TENM2: variants seen among roughly 807,000 people sequenced by gnomAD.
The protein encoded by TENM2 is teneurin transmembrane protein 2.
Under a neutral mutation model 245.2 loss-of-function variants are expected in TENM2, and 52 were observed. That is an observed-to-expected ratio of 0.21 (90% CI 0.17 to 0.27). The LOEUF (loss-of-function observed/expected upper bound fraction) is 0.27. TENM2 is among the 10% of genes least tolerant of loss of function. The probability of loss-of-function intolerance (pLI) is 1.00; values close to 1 mark genes in which losing one functional copy is unlikely to be tolerated. For missense variants in TENM2, 3,046 were observed against 3,666.8 expected (o/e 0.83, Z 4.37); for synonymous variants, 1,363 against 1,438.9 (o/e 0.95, Z 1.19).
chr5:167,776,593 GAAAAAAAAAAAAAAAAAA>G (rs869252752), intron 2 of TENM2, among the ~76,000 whole-genome samples: 1 of 36,020 alleles, frequency 2.8e-5, no homozygotes, highest in African/African-American at 8.7e-5. Flanking sequence ...GACCCTGTCT[GAAAAAAAAAAAAAAAAAA>G]AAAAAAAAAA....
the TENM2 span, among the ~76,000 whole-genome samples, chr5:167,167,812 G>A: frequency 6.6e-6 from 1 of 152,132 alleles, no homozygotes; most frequent in Non-Finnish European, 1.5e-5. Context: ...TAAGTATTCA[G>A]AAAACACACA....
At chr5:167,744,271 A>C (rs566935219) in intron 2 of TENM2, among the ~76,000 whole-genome samples, 1 of 152,298 alleles carries the variant, frequency 6.6e-6, no homozygotes, top group East Asian at 1.9e-4. Context: ...AGGCAGTTGA[A>C]GAAAAAGCGT....
At chr5:168,151,881 C>T (rs1251462783) in intron 12 of TENM2, among the ~76,000 whole-genome samples, 1 of 152,224 alleles carries the variant, frequency 6.6e-6, no homozygotes, top group Non-Finnish European at 1.5e-5. Flanking sequence ...GCCTAGTCCT[C>T]ACTCCCTGTT....
intron 2 of TENM2, among the ~76,000 whole-genome samples, chr5:167,461,968 G>T (rs1283434273): frequency 1.3e-5 from 2 of 152,094 alleles, no homozygotes; most frequent in Non-Finnish European, 2.9e-5. Flanking sequence ...AAACATAATG[G>T]TTGTAAGATA....
intron 2 of TENM2, among the ~76,000 whole-genome samples, chr5:167,431,070 A>G (rs1413863238): frequency 6.6e-6 from 1 of 152,232 alleles, no homozygotes; most frequent in Non-Finnish European, 1.5e-5. Flanking sequence ...ACATAAAGAA[A>G]GAATTTAAAC....
the TENM2 span, among the ~76,000 whole-genome samples, chr5:167,226,120 TC>T: frequency 6.6e-6 from 1 of 151,964 alleles, no homozygotes; most frequent in Non-Finnish European, 1.5e-5. Context: ...ACTTTTTTGA[TC>T]ATTTGTATTG....
intron 7 of TENM2, among the ~76,000 whole-genome samples, chr5:168,089,427 T>C (rs1053316405): frequency 6.6e-6 from 1 of 152,198 alleles, no homozygotes; most frequent in Non-Finnish European, 1.5e-5. Flanking sequence ...AGCTCCCACT[T>C]GCCTGCTACA....
At chr5:168,186,203 T>C (rs921047873) in intron 13 of TENM2, 1 of 152,002 alleles carries the variant, frequency 6.6e-6, no homozygotes, top group African/African-American at 2.4e-5. Flanking sequence ...CCTCTGATGC[T>C]GTGTAGAATT....
chr5:167,599,844 G>C (rs988827035), intron 2 of TENM2, among the ~76,000 whole-genome samples: 1 of 152,030 alleles, frequency 6.6e-6, no homozygotes, highest in Non-Finnish European at 1.5e-5. Context: ...AAGTGGCTGA[G>C]AATATCGTTA....
In TENM2 at chr5:167,570,289, A is replaced by G. The variant is rs376365486; in HGVS notation, c.502+194816A>G. Among the ~76,000 whole-genome samples the G allele has an allele frequency of 1.0e-3, 157 of 152,270 alleles. 1 individual carries two copies. The Middle Eastern group carries it at 0.031, about 30-fold the overall frequency. The stretch of plus-strand genomic sequence containing the variant: ...AACCTTAGATGATGTGCAAGCCGAT[A>G]CATAAGATAATGAAATAAAACAGAC... On this transcript the variant is annotated intron_variant, in intron 2 of 28. Transcript: ENST00000518659.
chr5:167,164,204 G>A, the TENM2 span, among the ~76,000 whole-genome samples: 3 of 152,184 alleles, frequency 2.0e-5, no homozygotes, highest in Non-Finnish European at 4.4e-5. Context: ...ATGAGATTTG[G>A]AAGACATCTT....
intron 1 of TENM2, among the ~76,000 whole-genome samples, chr5:167,363,470 G>A (rs986416060): frequency 6.6e-6 from 1 of 152,004 alleles, no homozygotes; most frequent in Non-Finnish European, 1.5e-5. Flanking sequence ...GGTGGCTCAC[G>A]CCTGTAATTC....
chr5:168,085,002 A>G (rs2569044), intron 7 of TENM2, among the ~76,000 whole-genome samples: 1,747 of 152,286 alleles, frequency 0.011, 46 homozygotes, highest in African/African-American at 0.04. Flanking sequence ...GAAAAGATGG[A>G]TGTGTCCCCC....
rs1339051385 is a variant in TENM2 at position 168,158,850 on chromosome 5, T to TATATATATACACAC, written c.2423-3760_2423-3759insTATATATACACACA. 6.7e-3 allele frequency among the ~76,000 whole-genome samples: 418 copies of TATATATATACACAC among 61,982 alleles called. 1 individual carries two copies. Among genetic ancestry groups the TATATATATACACAC allele is most frequent in the Non-Finnish European group, 9.7e-3 (307 of 31,790 alleles). The allele number at this position is 61,982 out of a possible 152,430, so 40.7% of individuals were successfully genotyped here. A position where few individuals can be genotyped will look rare whatever the true frequency, so the allele number is the denominator to read the frequency against. The stretch of plus-strand genomic sequence containing the variant: ...GTGTGTATATATATATATATATATA[T>TATATATATACACAC]ACACACACACACACACACATATATA... On this transcript the variant is annotated intron_variant, in intron 12 of 28. Coordinates refer to ENST00000518659, the Ensembl canonical transcript of TENM2.
At chr5:167,491,113 A>G (rs1051387144) in intron 2 of TENM2, among the ~76,000 whole-genome samples, 3 of 152,148 alleles carry the variant, frequency 2.0e-5, no homozygotes, top group Non-Finnish European at 2.9e-5. Flanking sequence ...AATCTCATGT[A>G]CTGAGATTGG....
At chr5:168,148,478 G>A (rs556993231) in intron 12 of TENM2, among the ~76,000 whole-genome samples, 59 of 152,334 alleles carry the variant, frequency 3.9e-4, no homozygotes, top group African/African-American at 1.4e-3. Flanking sequence ...TAAAGACCCT[G>A]TAATGATCAG....
chr5:167,082,913 A>G, the TENM2 span, among the ~76,000 whole-genome samples: 1 of 152,170 alleles, frequency 6.6e-6, no homozygotes, highest in Non-Finnish European at 1.5e-5. Flanking sequence ...CAAGATCAAC[A>G]CAAATAATAA....
chr5:167,033,743 C>T, the TENM2 span, among the ~76,000 whole-genome samples: 1 of 152,122 alleles, frequency 6.6e-6, no homozygotes, highest in Admixed American at 6.5e-5. Flanking sequence ...AGTAGGTAAG[C>T]ATATCAACAT....
At chr5:168,173,980 C>G (rs1562245922) in intron 13 of TENM2, among the ~76,000 whole-genome samples, 1 of 152,152 alleles carries the variant, frequency 6.6e-6, no homozygotes, top group African/African-American at 2.4e-5. Context: ...AAGCCTGGTA[C>G]CTTGCAGCCT....
Sources: allele counts gnomAD v4.1 joint callset (sites outside exome capture counted in the v4.1 genomes callset), GRCh38; gene constraint gnomAD v4.1.1; transcripts MANE v1.5; gene names NCBI Gene and HGNC (gene_info 2026-07-23, HGNC 2026-07-21).